RXRA: variants seen among roughly 807,000 people sequenced by gnomAD.
RXRA encodes retinoid X receptor alpha, also known as retinoic acid receptor RXR-alpha.
In RXRA, 5 loss-of-function variants were observed where a neutral mutation model predicts 44.5. That is an observed-to-expected ratio of 0.11 (90% CI 0.06 to 0.24). The LOEUF (loss-of-function observed/expected upper bound fraction) is 0.24. Among genes scored for constraint, RXRA ranks in the 10% least tolerant of loss-of-function variants. The pLI, the probability that RXRA is intolerant of heterozygous loss-of-function variation, is 1.00. For missense variants in RXRA, 412 were observed against 646.5 expected (o/e 0.64, Z 3.93); for synonymous variants, 291 against 271.4 (o/e 1.07, Z -0.71).
At chr9:134,408,354 AG>A in intron 3 of RXRA, 55 bp downstream of exon 3, 1 of 1,510,500 alleles carries the variant, frequency 6.6e-7, no homozygotes, top group East Asian at 2.4e-5. Context: ...AGGCCATTGC[AG>A]GGTCTGGAGG....
rs978053058 is a variant in RXRA at position 134,437,378 on chromosome 9, A to G, written c.*764A>G. 3 of 151,772 alleles carry G rather than the reference A, an allele frequency of 2.0e-5. No homozygotes were observed. The highest frequency in any genetic ancestry group is 2.9e-5 in the Non-Finnish European group (2 of 68,044). 9.4% of individuals were successfully genotyped at this position (151,772 alleles called of 1,614,324 possible). On this transcript the variant is annotated 3_prime_UTR_variant, in exon 10 of 10. Coordinates refer to ENST00000481739, the MANE Select transcript of RXRA (RefSeq NM_002957.6). ...CTCTGCCTTGGTGTTCTGGTTTCAG[A>G]CTCCCGACTCCCCGTTCAGACCAGA...
intron 1 of RXRA, among the ~76,000 whole-genome samples, chr9:134,350,710 C>T (rs1390361238): frequency 1.3e-5 from 2 of 152,220 alleles, no homozygotes; most frequent in African/African-American, 4.8e-5. Context: ...GGAGCAGCTC[C>T]ATCTGGGGCA....
intron 1 of RXRA, among the ~76,000 whole-genome samples, chr9:134,355,273 G>T (rs1554749937): frequency 6.6e-6 from 1 of 152,190 alleles, no homozygotes; most frequent in African/African-American, 2.4e-5. Context: ...CCCGGCATGG[G>T]CATCTCTGTG....
At chr9:134,370,560 G>A (rs1045637524) in intron 1 of RXRA, among the ~76,000 whole-genome samples, 2 of 152,238 alleles carry the variant, frequency 1.3e-5, no homozygotes, top group Non-Finnish European at 2.9e-5. Context: ...TTGGGATTCT[G>A]TAGCTCTGTT....
At chr9:134,331,922 C>T (rs1193378002) in intron 1 of RXRA, among the ~76,000 whole-genome samples, 3 of 152,228 alleles carry the variant, frequency 2.0e-5, no homozygotes, top group Admixed American at 6.5e-5. Context: ...GGTCTATGCC[C>T]CATGCTGGTT....
chr9:134,369,450 G>C (rs1208665509), intron 1 of RXRA, among the ~76,000 whole-genome samples: 2 of 120,204 alleles, frequency 1.7e-5, no homozygotes, highest in African/African-American at 6.4e-5. Flanking sequence ...TGTGTATGTG[G>C]GGGGGTTGTG....
chr9:134,385,257 C>A (rs995306112), intron 1 of RXRA, among the ~76,000 whole-genome samples: 1 of 152,226 alleles, frequency 6.6e-6, no homozygotes, highest in African/African-American at 2.4e-5. Flanking sequence ...CACTACCGGC[C>A]CGGGGCTTGT....
rs1831253959 is a variant in RXRA, at chr9:134,417,416, C to G, written c.780+89C>G. 9.5e-6 allele frequency: 14 copies of G among 1,470,968 alleles called. No individual in the cohort carries two copies. The highest frequency in any genetic ancestry group is 1.3e-5 in the Non-Finnish European group (14 of 1,082,634). 91.1% of individuals were successfully genotyped at this position (1,470,968 alleles called of 1,614,324 possible). On this transcript the variant is annotated intron_variant, in intron 5 of 9. Coordinates refer to ENST00000481739, the MANE Select transcript of RXRA (RefSeq NM_002957.6). This position sits in a 1 kb window ranked among gnomAD's most constrained non-coding sequence, Gnocchi z 6.1. ...CCTCCCACCTGAGCAGCTGATGAGC[C>G]AGAGAGGTCCTGGGGGCTGCCCTGG...
intron 1 of RXRA, among the ~76,000 whole-genome samples, chr9:134,392,200 C>T (rs547669824): frequency 1.2e-4 from 19 of 152,330 alleles, no homozygotes; most frequent in African/African-American, 3.8e-4. Context: ...CCTTTGGTCA[C>T]GCCCTTTCCG....
At position 134,426,772 on chromosome 9, in the gene RXRA, C is replaced by A; in HGVS notation, c.911-2336C>A. ...AGGATGTGAGGGAGAGAGGCAGGCC[C>A]GAGAGGCCAGGACTGGCCAGGGATG... On this transcript the variant is annotated intron_variant, in intron 6 of 9. Transcript: ENST00000481739. This position sits in a 1 kb window ranked among gnomAD's most constrained non-coding sequence, Gnocchi z 4.6. 1 of 985,360 alleles carries A rather than the reference C, an allele frequency of 1.0e-6. No homozygotes were observed. The highest frequency in any genetic ancestry group is 1.2e-6 in the Non-Finnish European group (1 of 829,908). 61.0% of individuals were successfully genotyped at this position (985,360 alleles called of 1,614,324 possible).
intron 5 of RXRA, among the ~76,000 whole-genome samples, chr9:134,418,651 C>G (rs918287886): frequency 6.6e-6 from 1 of 152,198 alleles, no homozygotes; most frequent in Non-Finnish European, 1.5e-5. Flanking sequence ...ATCTGTGCCC[C>G]TGCCAGGGTG....
At chr9:134,424,309 ATC>A (rs1564296058) in intron 6 of RXRA, 1 of 985,250 alleles carries the variant, frequency 1.0e-6, no homozygotes, top group Non-Finnish European at 1.2e-6. Flanking sequence ...ATCCCGTGGC[ATC>A]TCTGCGAGGG....
intron 1 of RXRA, among the ~76,000 whole-genome samples, chr9:134,378,052 T>C (rs1459949230): frequency 1.3e-5 from 2 of 152,214 alleles, no homozygotes; most frequent in Non-Finnish European, 2.9e-5. Flanking sequence ...GGGGGCACAG[T>C]GGTGCCCTGG....
At chr9:134,411,850 C>T (rs1184875125) in intron 4 of RXRA, among the ~76,000 whole-genome samples, 1 of 152,176 alleles carries the variant, frequency 6.6e-6, no homozygotes, top group Non-Finnish European at 1.5e-5. Context: ...GAGTCTCTTG[C>T]CTCCCCCAGC....
rs1830610693 is a variant in RXRA at position 134,379,593 on chromosome 9, C to T, written c.29-22039C>T. ...CTTGCTCCAGGCCTTGGGTGATGCT[C>T]CTGTGCTCCCTGACAGCCGCAGGGT... On this transcript the variant is annotated intron_variant, in intron 1 of 9. Coordinates refer to ENST00000481739, the MANE Select transcript of RXRA (RefSeq NM_002957.6). 5.1e-6 allele frequency: 5 copies of T among 985,302 alleles called. No individual in the cohort carries two copies. In the South Asian group the frequency reaches 2.3e-4, roughly 46 times the overall value. The allele number at this position is 985,302 out of a possible 1,614,324, so 61.0% of individuals were successfully genotyped here. A position where few individuals can be genotyped will look rare whatever the true frequency, so the allele number is the denominator to read the frequency against.
chr9:134,347,152 TG>T (rs1830162980), intron 1 of RXRA, among the ~76,000 whole-genome samples: 1 of 120,824 alleles, frequency 8.3e-6, no homozygotes, highest in African/African-American at 3.3e-5. Flanking sequence ...GCCATCACTA[TG>T]GGGGTGGCAG....
intron 4 of RXRA, 88 bp downstream of exon 4, chr9:134,409,207 C>G (rs1387032474): frequency 1.5e-6 from 2 of 1,310,124 alleles, no homozygotes; most frequent in African/African-American, 3.0e-5. Flanking sequence ...AGATGGACAA[C>G]AGGGAGTGAG....
intron 1 of RXRA, among the ~76,000 whole-genome samples, chr9:134,375,592 T>C (rs746765751): frequency 7.9e-5 from 12 of 152,000 alleles, no homozygotes; most frequent in Non-Finnish European, 1.8e-4. Context: ...TGACGCTGGG[T>C]TGGCCGTCTA....
intron 1 of RXRA, among the ~76,000 whole-genome samples, chr9:134,340,553 A>G (rs562884811): frequency 5.9e-5 from 9 of 152,202 alleles, no homozygotes; most frequent in Admixed American, 5.2e-4. Context: ...TCTGGCCTAC[A>G]GCGTGGCAGG....
Sources: allele counts gnomAD v4.1 joint callset (sites outside exome capture counted in the v4.1 genomes callset), GRCh38; gene constraint gnomAD v4.1.1; non-coding constraint Gnocchi (gnomAD v3.1); transcripts MANE v1.5; gene names NCBI Gene and HGNC (gene_info 2026-07-23, HGNC 2026-07-21).